The following NXPH1 variants were observed in gnomAD, a reference collection of about 807,000 sequenced individuals.
The protein encoded by NXPH1 is neurexophilin-1.
In NXPH1, 5 loss-of-function variants were observed where a neutral mutation model predicts 23.7. The ratio of observed to expected loss-of-function variants is 0.21; its 90% CI spans 0.11 to 0.44. NXPH1 has a LOEUF of 0.44. NXPH1 is among the 20% of genes least tolerant of loss of function. The probability of loss-of-function intolerance (pLI) is 0.99; values close to 1 mark genes in which losing one functional copy is unlikely to be tolerated. For synonymous variants in NXPH1, 144 were observed against 122.2 expected (o/e 1.18, Z -1.18); for missense variants, 324 against 321.6 (o/e 1.01, Z -0.06).
intron 2 of NXPH1, among the ~76,000 whole-genome samples, chr7:8,747,657 C>A (rs1460963530): frequency 6.6e-6 from 1 of 152,162 alleles, no homozygotes; most frequent in South Asian, 2.1e-4. Flanking sequence ...AGAGGATACA[C>A]ATGTATTTGT....
chr7:8,550,837 G>T (rs960220976), intron 2 of NXPH1, among the ~76,000 whole-genome samples: 1 of 151,226 alleles, frequency 6.6e-6, no homozygotes, highest in African/African-American at 2.4e-5. Context: ...CCATTTAATG[G>T]GTGGATAATA....
chr7:8,606,174 A>T (rs891009385), intron 2 of NXPH1, among the ~76,000 whole-genome samples: 1 of 152,158 alleles, frequency 6.6e-6, no homozygotes, highest in Admixed American at 6.6e-5. Context: ...TGTTTGTTCT[A>T]TATATAATTT....
chr7:8,688,894 C>G (rs1156767147), intron 2 of NXPH1, among the ~76,000 whole-genome samples: 2 of 152,128 alleles, frequency 1.3e-5, no homozygotes. Flanking sequence ...TAAAGGTGCT[C>G]TTGGATACTG....
chr7:8,547,445 T>C (rs1424793063), intron 2 of NXPH1, among the ~76,000 whole-genome samples: 1 of 150,426 alleles, frequency 6.6e-6, no homozygotes, highest in Non-Finnish European at 1.5e-5. Flanking sequence ...GATGTATATA[T>C]GATAAATAAA....
chr7:8,513,499 G>A (rs1197020234), intron 2 of NXPH1, among the ~76,000 whole-genome samples: 1 of 152,126 alleles, frequency 6.6e-6, no homozygotes, highest in African/African-American at 2.4e-5. Context: ...AGTACATCCT[G>A]CTGGAGGTTT....
chr7:8,483,706 C>A lies in NXPH1; in HGVS notation c.54+47939C>A, dbSNP rs995443096. Among the ~76,000 whole-genome samples, 5 of 152,236 alleles carry A rather than the reference C, an allele frequency of 3.3e-5. No individual in the cohort carries two copies. The East Asian group carries it at 9.7e-4, about 29-fold the overall frequency. ...TCAGAGTGGGGTGTCCAGAGGCCTG[C>A]CTGTTTGACCTCTTCTGAAAGTGTC... On this transcript the variant is annotated intron_variant, in intron 2 of 2. Coordinates refer to ENST00000405863, the MANE Select transcript of NXPH1 (RefSeq NM_152745.3).
chr7:8,579,624 A>G (rs772091838), intron 2 of NXPH1, among the ~76,000 whole-genome samples: 10 of 152,208 alleles, frequency 6.6e-5, no homozygotes, highest in Non-Finnish European at 1.5e-4. Flanking sequence ...CGCCCACCTC[A>G]GACTCCCAAA....
At chr7:8,546,190 T>C (rs1193132796) in intron 2 of NXPH1, among the ~76,000 whole-genome samples, 1 of 151,480 alleles carries the variant, frequency 6.6e-6, no homozygotes, top group Non-Finnish European at 1.5e-5. Context: ...TGTTAAAGAA[T>C]ACTCAGGCAA....
In NXPH1 at chr7:8,491,445, G is replaced by A. The variant is rs1283479998; in HGVS notation, c.54+55678G>A. Among the ~76,000 whole-genome samples, 9 of 151,974 alleles carry A rather than the reference G, an allele frequency of 5.9e-5. No homozygotes were observed. The East Asian group carries it at 1.7e-3, about 29-fold the overall frequency. Reference sequence around the variant, plus strand: ...GAAATGAAGGAAATCAAGACAGTAAGGTTTGAAAAATATGCTCCCGGAAGT... The same window carrying A: ...GAAATGAAGGAAATCAAGACAGTAAAGTTTGAAAAATATGCTCCCGGAAGT... On this transcript the variant is annotated intron_variant, in intron 2 of 2. Transcript: ENST00000405863.
rs78702210 is a variant in NXPH1, at chr7:8,456,379, C to T, written c.54+20612C>T. Among the ~76,000 whole-genome samples, 782 of 152,254 alleles carry T rather than the reference C, an allele frequency of 5.1e-3. 6 individuals carry two copies. Among genetic ancestry groups the T allele is most frequent in the African/African-American group, 0.018 (754 of 41,556 alleles). On this transcript the variant is annotated intron_variant, in intron 2 of 2. Transcript: ENST00000405863. Reference sequence around the variant, plus strand: ...TCACTATTTCTTGATTCTAATGTTACAATAATTTCAGCAATTTTACAATAT... The same window carrying T: ...TCACTATTTCTTGATTCTAATGTTATAATAATTTCAGCAATTTTACAATAT...
intron 2 of NXPH1, among the ~76,000 whole-genome samples, chr7:8,451,975 A>T (rs2128605569): frequency 6.6e-6 from 1 of 152,296 alleles, no homozygotes; most frequent in East Asian, 1.9e-4. Flanking sequence ...TTTCCTTAAA[A>T]ATCTGGTAAA....
chr7:8,437,208 G>A (rs1816212132), intron 2 of NXPH1, among the ~76,000 whole-genome samples: 2 of 152,184 alleles, frequency 1.3e-5, no homozygotes, highest in East Asian at 1.9e-4. Flanking sequence ...TTTACCCGCT[G>A]GAACGCAGGC....
At chr7:8,718,457 C>T (rs904003304) in intron 2 of NXPH1, among the ~76,000 whole-genome samples, 2 of 152,174 alleles carry the variant, frequency 1.3e-5, no homozygotes, top group Admixed American at 1.3e-4. Flanking sequence ...CTCTGTTAGA[C>T]ATTTTAACCC....
intron 2 of NXPH1, among the ~76,000 whole-genome samples, chr7:8,667,163 G>C (rs900701633): frequency 2.0e-5 from 3 of 150,260 alleles, no homozygotes; most frequent in Non-Finnish European, 4.4e-5. Context: ...CATTATTGCA[G>C]CTGTTTTTTT....
chr7:8,466,312 A>C (rs1563318571), intron 2 of NXPH1, among the ~76,000 whole-genome samples: 1 of 152,222 alleles, frequency 6.6e-6, no homozygotes, highest in African/African-American at 2.4e-5. Flanking sequence ...TCTGTATACA[A>C]GATGGACACT....
chr7:8,749,548 C>T (rs1191618361), intron 2 of NXPH1, among the ~76,000 whole-genome samples: 2 of 152,136 alleles, frequency 1.3e-5, no homozygotes, highest in African/African-American at 2.4e-5. Flanking sequence ...AGCTATAATT[C>T]CTAATGGGCC....
chr7:8,647,030 A>C lies in NXPH1; in HGVS notation c.55-103978A>C, dbSNP rs1820408583. Among the ~76,000 whole-genome samples, 6 of 152,278 alleles carry C rather than the reference A, an allele frequency of 3.9e-5. No individual in the cohort carries two copies. The South Asian group carries it at 1.2e-3, about 32-fold the overall frequency. On this transcript the variant is annotated intron_variant, in intron 2 of 2. Transcript: ENST00000405863. Reference sequence around the variant, plus strand: ...TATCAGATGGGACCATAGAACAGTCAGACCCAGCTCCTAGCCACCCCTGGG... The same window carrying C: ...TATCAGATGGGACCATAGAACAGTCCGACCCAGCTCCTAGCCACCCCTGGG...
At chr7:8,526,993 T>C (rs952809659) in intron 2 of NXPH1, among the ~76,000 whole-genome samples, 1 of 152,142 alleles carries the variant, frequency 6.6e-6, no homozygotes. Flanking sequence ...ACTCTGATGA[T>C]AATATCTCAC....
chr7:8,615,008 G>T (rs1228085871), intron 2 of NXPH1, among the ~76,000 whole-genome samples: 2 of 151,950 alleles, frequency 1.3e-5, no homozygotes, highest in Non-Finnish European at 2.9e-5. Flanking sequence ...CAGCTTCCTA[G>T]CTTCTACTGT....
Sources: allele counts gnomAD v4.1 joint callset (sites outside exome capture counted in the v4.1 genomes callset), GRCh38; gene constraint gnomAD v4.1.1; transcripts MANE v1.5; gene names NCBI Gene and HGNC (gene_info 2026-07-23, HGNC 2026-07-21).